Variants in PARP15 observed in about 807,000 individuals in gnomAD.
PARP15 encodes poly(ADP-ribose) polymerase family member 15, also known as protein mono-ADP-ribosyltransferase PARP15.
In PARP15, 50 loss-of-function variants were observed where a neutral mutation model predicts 62.1. That is an observed-to-expected ratio of 0.81 (90% CI 0.64 to 1.02). The LOEUF is 1.02. PARP15 is among the 50% of genes least tolerant of loss of function. PARP15 has a pLI of 0.00. For missense variants in PARP15, 820 were observed against 826.5 expected (o/e 0.99, Z 0.10); for synonymous variants, 309 against 293.1 (o/e 1.05, Z -0.55).
Position 122,613,213 on chromosome 3 carries a change from G to A in PARP15, c.716G>A (p.Ser239Asn). The change falls in exon 4 of 12, where the codon AGC becomes AAC. Residue 239 changes from serine to asparagine, a missense_variant. Coordinates refer to ENST00000464300, the MANE Select transcript of PARP15 (RefSeq NM_001113523.3). The stretch of plus-strand genomic sequence containing the variant: ...AGTAGCAGCACAAGGCCGATAACTA[G>A]CCCTTTACAAGAAGTCCACTTTCTG... ...EYSSSTRPIT[S>N]PLQEVHFLVY... 1 of 1,551,842 alleles carries A rather than the reference G, an allele frequency of 6.4e-7. No individual in the cohort carries two copies. Among genetic ancestry groups the A allele is most frequent in the Non-Finnish European group, 8.7e-7 (1 of 1,146,924 alleles).
intron 11 of PARP15, among the ~76,000 whole-genome samples, chr3:122,635,510 A>T (rs539038963): frequency 6.6e-6 from 1 of 152,082 alleles, no homozygotes; most frequent in East Asian, 1.9e-4. Context: ...TTGAGCTCAA[A>T]TGATGCCCCC....
intron 3 of PARP15, among the ~76,000 whole-genome samples, chr3:122,612,382 T>G (rs894263748): frequency 6.6e-6 from 1 of 150,614 alleles, no homozygotes; most frequent in Admixed American, 6.6e-5. Flanking sequence ...TTTTTTTTTT[T>G]GAACCAATAT....
rs1266937079 is a variant in PARP15 at position 122,636,574 on chromosome 3, C to G, written c.*474C>G. On this transcript the variant is annotated 3_prime_UTR_variant, in exon 12 of 12. Coordinates refer to ENST00000464300, the MANE Select transcript of PARP15 (RefSeq NM_001113523.3). ...CTTGTCAATAGTTCAGCTGAAATGA[C>G]TGAATCACAGAATATTAACTCTGTT... 3 of 159,134 alleles carry G rather than the reference C, an allele frequency of 1.9e-5. No homozygotes were observed. The highest frequency in any genetic ancestry group is 4.2e-5 in the Non-Finnish European group (3 of 71,762). The allele number at this position is 159,134 out of a possible 1,614,324, so 9.9% of individuals were successfully genotyped here. A position where few individuals can be genotyped will look rare whatever the true frequency, so the allele number is the denominator to read the frequency against.
chr3:122,622,747 G>A (rs1297336277), intron 8 of PARP15, among the ~76,000 whole-genome samples: 1 of 152,158 alleles, frequency 6.6e-6, no homozygotes, highest in Admixed American at 6.5e-5. Context: ...CCAGTCATTT[G>A]CTCTTCTTAG....
In PARP15 at chr3:122,606,020, C is replaced by G; in HGVS notation, c.271C>G (p.Leu91Val). The G allele has an allele frequency of 1.3e-6, 2 of 1,552,036 alleles. No individual in the cohort carries two copies. Among genetic ancestry groups the G allele is most frequent in the Non-Finnish European group, 8.7e-7 (1 of 1,146,952 alleles). ...ASIQTKEGLN[L>V]KLISGDVLYI... ...AATCCAAACCAAAGAAGGTCTGAAT[C>G]TCAAGTTGATAAGTGGAGATGTTCT... Residue 91 changes from leucine (L) to valine (V), a missense_variant, in exon 2 of 12, where the codon CTC (leucine) becomes GTC (valine). This residue lies in a region of PARP15 where 731 missense variants were observed against 727.7 expected (regional missense o/e 1.00). Transcript: ENST00000464300.
chr3:122,584,485 C>T (rs1933243016), intron 1 of PARP15, among the ~76,000 whole-genome samples: 1 of 151,892 alleles, frequency 6.6e-6, no homozygotes, highest in Admixed American at 6.6e-5. Context: ...TGAAAAAATA[C>T]CTACAAAGTT....
chr3:122,615,221 TCCA>T, intron 4 of PARP15: 1 of 1,275,068 alleles, frequency 7.8e-7, no homozygotes, highest in Admixed American at 2.4e-5. Context: ...TTTTGTTTTT[TCCA>T]TTTCTAAACA....
chr3:122,623,074 G>A (rs181722870), intron 8 of PARP15, among the ~76,000 whole-genome samples: 96 of 152,268 alleles, frequency 6.3e-4, no homozygotes, highest in Middle Eastern at 3.4e-3. Context: ...TCCACACACC[G>A]ATAACCTTTT....
intron 9 of PARP15, among the ~76,000 whole-genome samples, chr3:122,629,006 T>C (rs72962329): frequency 0.016 from 2,379 of 152,320 alleles, 68 homozygotes; most frequent in African/African-American, 0.053. Flanking sequence ...CAGAGATTAC[T>C]TATTGAGCAC....
intron 9 of PARP15, among the ~76,000 whole-genome samples, chr3:122,630,143 A>T (rs920196625): frequency 6.6e-6 from 1 of 152,196 alleles, no homozygotes; most frequent in Admixed American, 6.5e-5. Flanking sequence ...GGTAGTTATC[A>T]TGCTATTTTC....
At chr3:122,629,807 T>A (rs1171203976) in intron 9 of PARP15, among the ~76,000 whole-genome samples, 3 of 151,980 alleles carry the variant, frequency 2.0e-5, no homozygotes, top group African/African-American at 7.3e-5. Flanking sequence ...TCATTAGGAG[T>A]GCACAACCTA....
At position 122,606,057 on chromosome 3, in the gene PARP15, T is replaced by A. The variant is rs1277428955; in HGVS notation, c.306+2T>A. The A allele has an allele frequency of 3.2e-6, 5 of 1,551,346 alleles. No homozygotes were observed. The highest frequency in any genetic ancestry group is 1.4e-5 in the African/African-American group (1 of 73,032). On this transcript the variant is annotated splice_donor_variant, in intron 2 of 11. Coordinates refer to ENST00000464300, the MANE Select transcript of PARP15 (RefSeq NM_001113523.3). LOFTEE classifies it high-confidence loss of function. ...AGTGGAGATGTTCTGTACATCTGGGTAGGTGATGCCATTTAATAAATCTAC... is the reference window on the plus strand; with the variant it reads ...AGTGGAGATGTTCTGTACATCTGGGAAGGTGATGCCATTTAATAAATCTAC...
intron 10 of PARP15, among the ~76,000 whole-genome samples, chr3:122,634,316 A>G (rs1418906250): frequency 6.6e-6 from 1 of 152,034 alleles, no homozygotes; most frequent in Non-Finnish European, 1.5e-5. Context: ...CACCACCCCC[A>G]TGCCATTAGA....
At chr3:122,614,085 A>C (rs974163075) in intron 4 of PARP15, among the ~76,000 whole-genome samples, 1 of 151,946 alleles carries the variant, frequency 6.6e-6, no homozygotes, top group African/African-American at 2.4e-5. Flanking sequence ...TGATCCACCC[A>C]CCTCAGCCTC....
intron 4 of PARP15, among the ~76,000 whole-genome samples, chr3:122,613,814 CTT>C (rs747039553): frequency 3.3e-5 from 3 of 90,770 alleles, no homozygotes; most frequent in Admixed American, 1.5e-4. Context: ...TGAATCTCAG[CTT>C]TTTTTTTTTT....
chr3:122,616,196 G>A (rs936031220), intron 5 of PARP15, among the ~76,000 whole-genome samples: 8 of 152,180 alleles, frequency 5.3e-5, no homozygotes, highest in African/African-American at 1.9e-4. Flanking sequence ...TGTTGCCACT[G>A]TATAAACGTT....
At chr3:122,634,927 C>A in intron 10 of PARP15, 93 bp from the exon 11 acceptor site, 4 of 1,294,854 alleles carry the variant, frequency 3.1e-6, no homozygotes, top group Non-Finnish European at 3.2e-6. Context: ...CCTCTTCCTT[C>A]TTTTTCATAT....
chr3:122,638,694 A>T lies in PARP15; in HGVS notation c.*2594A>T, dbSNP rs1937482592. The stretch of plus-strand genomic sequence containing the variant: ...TGTTTGAGTTCATTGTAGATTCTGG[A>T]TATTAGCCCTTTGTCAGATGAGTAG... On this transcript the variant is annotated 3_prime_UTR_variant, in exon 12 of 12. Coordinates refer to ENST00000464300, the MANE Select transcript of PARP15 (RefSeq NM_001113523.3). 6.6e-6 allele frequency: 1 copy of T among 151,862 alleles called. No homozygotes were observed. The highest frequency in any genetic ancestry group is 2.1e-4 in the South Asian group (1 of 4,814). The allele number at this position is 151,862 out of a possible 1,614,324, so 9.4% of individuals were successfully genotyped here. A position where few individuals can be genotyped will look rare whatever the true frequency, so the allele number is the denominator to read the frequency against.
At chr3:122,619,613 A>G (rs9989969) in intron 6 of PARP15, among the ~76,000 whole-genome samples, 168 bp from the exon 7 acceptor site, 1 of 152,198 alleles carries the variant, frequency 6.6e-6, no homozygotes, top group South Asian at 2.1e-4. Context: ...CAGACTGTTC[A>G]TCAGCCACTG....
Sources: gnomAD v4.1 joint callset for allele counts (sites outside exome capture counted in the v4.1 genomes callset) on GRCh38, gnomAD v4.1.1 for gene constraint, gnomAD v4.1.1 regional missense constraint, MANE v1.5 for transcripts, NCBI Gene and HGNC (gene_info 2026-07-23, HGNC 2026-07-21) for gene names.